MROH9: variants seen among roughly 807,000 people sequenced by gnomAD.
MROH9 encodes the protein maestro heat-like repeat-containing protein family member 9.
In MROH9, 92 loss-of-function variants were observed where a neutral mutation model predicts 98.2. That is an observed-to-expected ratio of 0.94 (90% confidence interval 0.79 to 1.11). The LOEUF (loss-of-function observed/expected upper bound fraction) is 1.11. MROH9 is among the 50% of genes most tolerant of loss of function. The pLI is 0.00. For synonymous variants in MROH9, 397 were observed against 368.9 expected (o/e 1.08, Z -0.87); for missense variants, 1,057 against 1,014.8 (o/e 1.04, Z -0.57).
chr1:171,062,207 G>A lies in MROH9; in HGVS notation c.2344+13G>A. The A allele has an allele frequency of 1.3e-6, 2 of 1,524,518 alleles. No individual in the cohort carries two copies. The highest frequency in any genetic ancestry group is 1.8e-6 in the Non-Finnish European group (2 of 1,124,960). 94.4% of individuals were successfully genotyped at this position (1,524,518 alleles called of 1,614,324 possible). On this transcript the variant is annotated intron_variant, in intron 21 of 21. Transcript: ENST00000367759. ...GTCATGCTTGATGGTGAGTATTGAG[G>A]TTATAACAAAATCTTTATGCATAAA...
intron 2 of MROH9, among the ~76,000 whole-genome samples, chr1:170,947,023 T>C (rs368524432): frequency 1.3e-5 from 2 of 152,022 alleles, no homozygotes; most frequent in South Asian, 2.1e-4. Context: ...GTGGTAGTAA[T>C]GATAATCTTT....
intron 15 of MROH9, among the ~76,000 whole-genome samples, chr1:171,001,746 A>T (rs573995786): frequency 5.4e-4 from 82 of 152,142 alleles, no homozygotes; most frequent in Non-Finnish European, 9.4e-4. Flanking sequence ...TGTATATATC[A>T]GTTAAGTCCA....
intron 6 of MROH9, among the ~76,000 whole-genome samples, chr1:170,962,389 T>C (rs540358818): frequency 6.6e-6 from 1 of 152,280 alleles, no homozygotes; most frequent in African/African-American, 2.4e-5. Flanking sequence ...GCATTCTATC[T>C]TCATGGGTAC....
Position 170,945,525 on chromosome 1 carries a change from CTAG to C in MROH9, c.-28_-26del, listed in dbSNP as rs1649295911. On this transcript the variant is annotated 5_prime_UTR_variant, in exon 2 of 22. Transcript: ENST00000367759. ...ATACGTGATATTTTTTGCAGCATTACTAGTAGAAGACTTTAATACACCTCTGTC... is the reference window on the plus strand; with the variant it reads ...ATACGTGATATTTTTTGCAGCATTACTAGAAGACTTTAATACACCTCTGTC... 6.2e-7 allele frequency: 1 copy of C among 1,610,932 alleles called. No homozygotes were observed. Among genetic ancestry groups the C allele is most frequent in the African/African-American group, 1.3e-5 (1 of 74,736 alleles).
intron 1 of MROH9, among the ~76,000 whole-genome samples, chr1:170,941,040 C>G (rs919521882): frequency 2.0e-5 from 3 of 152,150 alleles, no homozygotes; most frequent in African/African-American, 7.2e-5. Flanking sequence ...GGATTGGGGA[C>G]ACACCGGACC....
At chr1:170,963,470 G>A (rs181875291) in intron 6 of MROH9, among the ~76,000 whole-genome samples, 10 of 151,882 alleles carry the variant, frequency 6.6e-5, no homozygotes, top group Non-Finnish European at 1.2e-4. Flanking sequence ...CCAGCAATTC[G>A]ATTACTGGAT....
chr1:171,055,721 T>G (rs1049301536), intron 20 of MROH9, among the ~76,000 whole-genome samples: 12 of 151,274 alleles, frequency 7.9e-5, no homozygotes, highest in African/African-American at 2.9e-4. Flanking sequence ...GGGGCCAAGA[T>G]GTCCAACTAG....
At chr1:171,048,639 C>A (rs1033640434) in intron 20 of MROH9, among the ~76,000 whole-genome samples, 2 of 152,132 alleles carry the variant, frequency 1.3e-5, no homozygotes, top group African/African-American at 4.8e-5. Flanking sequence ...ATGCTCTGCC[C>A]CCTGTAACTG....
intron 11 of MROH9, among the ~76,000 whole-genome samples, chr1:170,990,290 G>C (rs1049203366): frequency 3.3e-5 from 5 of 152,272 alleles, no homozygotes; most frequent in African/African-American, 1.2e-4. Context: ...GCACATCCCA[G>C]AGGAACAAAC....
chr1:170,982,820 A>C (rs1346368216), intron 8 of MROH9, among the ~76,000 whole-genome samples: 1 of 152,220 alleles, frequency 6.6e-6, no homozygotes, highest in Non-Finnish European at 1.5e-5. Context: ...AGTTGAGCCC[A>C]GGAAGTCAAG....
intron 7 of MROH9, among the ~76,000 whole-genome samples, chr1:170,967,143 C>A (rs1424557909): frequency 2.6e-5 from 4 of 152,138 alleles, no homozygotes; most frequent in Non-Finnish European, 5.9e-5. Flanking sequence ...GCAGAAGGTT[C>A]TCATAAATTG....
intron 9 of MROH9, among the ~76,000 whole-genome samples, chr1:170,985,314 T>C (rs1571476841): frequency 6.6e-6 from 1 of 152,092 alleles, no homozygotes; most frequent in Non-Finnish European, 1.5e-5. Context: ...ATTAAGTTAA[T>C]AGTATATTAT....
chr1:171,026,933 G>A (rs1340441421), intron 20 of MROH9, among the ~76,000 whole-genome samples: 1 of 152,042 alleles, frequency 6.6e-6, no homozygotes, highest in Non-Finnish European at 1.5e-5. Flanking sequence ...GGGGGAAAAA[G>A]TAAGAAAAAA....
At chr1:170,955,615 C>A (rs928352608) in intron 3 of MROH9, among the ~76,000 whole-genome samples, 2 of 152,042 alleles carry the variant, frequency 1.3e-5, no homozygotes, top group African/African-American at 4.8e-5. Context: ...ATTTGTATAT[C>A]TTCTTTTGAG....
intron 20 of MROH9, among the ~76,000 whole-genome samples, chr1:171,054,667 A>G (rs1653773238): frequency 6.6e-6 from 1 of 152,222 alleles, no homozygotes; most frequent in Non-Finnish European, 1.5e-5. Context: ...CAAGAAAGAA[A>G]CAATCCTATC....
intron 20 of MROH9, 87 bp from the exon 21 acceptor site, chr1:171,062,045 A>T: frequency 1.2e-6 from 1 of 831,384 alleles, no homozygotes; most frequent in Non-Finnish European, 1.9e-6. Flanking sequence ...TTGCTTTGAA[A>T]AAAGCAAAGA....
rs545459407 is a variant in MROH9 at position 170,964,402 on chromosome 1, A to G, written c.376-749A>G. 2.1e-4 allele frequency among the ~76,000 whole-genome samples: 32 copies of G among 152,212 alleles called. 1 individual carries two copies. In the South Asian group the frequency reaches 4.4e-3, roughly 21 times the overall value. ...TAGAAACTCTTTCACCTTAGGAAAT[A>G]GACTTCAAACATTTTTCACAATGGG... On this transcript the variant is annotated intron_variant, in intron 6 of 21. Coordinates refer to ENST00000367759, the MANE Select transcript of MROH9 (RefSeq NM_001163629.2).
At chr1:171,029,454 T>C (rs1652834007) in intron 20 of MROH9, among the ~76,000 whole-genome samples, 1 of 152,130 alleles carries the variant, frequency 6.6e-6, no homozygotes, top group South Asian at 2.1e-4. Context: ...ATGATCCACC[T>C]GCCTCAGCCT....
chr1:171,021,727 T>G (rs894276746), intron 17 of MROH9, among the ~76,000 whole-genome samples: 2 of 151,866 alleles, frequency 1.3e-5, no homozygotes, highest in Non-Finnish European at 2.9e-5. Context: ...CAAAAGCAAT[T>G]GCAACAAAAG....
Sources: allele counts gnomAD v4.1 joint callset (sites outside exome capture counted in the v4.1 genomes callset), GRCh38; gene constraint gnomAD v4.1.1; transcripts MANE v1.5; gene names NCBI Gene and HGNC (gene_info 2026-07-23, HGNC 2026-07-21).